The following PPEF2 variants were observed in gnomAD, a reference collection of about 807,000 sequenced individuals.
The protein encoded by PPEF2 is serine/threonine-protein phosphatase with EF-hands 2.
In PPEF2, 84 loss-of-function variants were observed where a neutral mutation model predicts 84.7. The ratio of observed to expected loss-of-function variants is 0.99; its 90% CI spans 0.83 to 1.19. The LOEUF is 1.19. Among genes scored for constraint, PPEF2 ranks in the 50% most tolerant of loss-of-function variants. PPEF2 has a pLI of 0.00. For missense variants in PPEF2, 924 were observed against 937.5 expected (o/e 0.99, Z 0.19); for synonymous variants, 346 against 345.2 (o/e 1.00, Z -0.03).
intron 12 of PPEF2, among the ~76,000 whole-genome samples, chr4:75,872,460 A>G (rs1262042471): frequency 1.3e-5 from 2 of 152,218 alleles, no homozygotes; most frequent in Non-Finnish European, 2.9e-5. Context: ...TATTTGCTTC[A>G]ACTTAGAGGC....
Position 75,866,193 on chromosome 4 carries a change from C to T in PPEF2, c.1916G>A (p.Arg639His), listed in dbSNP as rs138384094. 471 of 1,610,432 alleles carry T rather than the reference C, an allele frequency of 2.9e-4. 4 individuals carry two copies. The African/African-American group carries it at 5.4e-3, about 18-fold the overall frequency. Residue 639 changes from arginine (R) to histidine (H), a missense_variant, in exon 15 of 17, where the codon CGC becomes CAC. By Grantham distance (29) the Arg-to-His change is conservative (BLOSUM62 0). Transcript: ENST00000286719. The stretch of plus-strand genomic sequence containing the variant: ...CCACCATTACCACACCGTTACCTCG[C>T]GACTCAGTTGTTCCTTGGCCAAGTT... ...LKNLAKEQLS[R>H]ENIQSSLLET...
rs80151911 is a variant in PPEF2 at position 75,873,742 on chromosome 4, C to T, written c.1321-430G>A. ...TCTTGCATATTCACAAGACCCCAGA[C>T]GTGGTCCTGGGAAAATGCAATCGAC... On this transcript the variant is annotated intron_variant, in intron 11 of 16. Coordinates refer to ENST00000286719, the MANE Select transcript of PPEF2 (RefSeq NM_006239.3). 4.6e-3 allele frequency among the ~76,000 whole-genome samples: 701 copies of T among 151,990 alleles called. 5 individuals carry two copies. Among genetic ancestry groups the T allele is most frequent in the African/African-American group, 0.012 (510 of 41,446 alleles).
At position 75,876,719 on chromosome 4, in the gene PPEF2, G is replaced by C; in HGVS notation, c.934-46C>G. 2.7e-6 allele frequency: 4 copies of C among 1,500,912 alleles called. No homozygotes were observed. In the East Asian group the frequency reaches 9.3e-5, roughly 35 times the overall value. The allele number at this position is 1,500,912 out of a possible 1,614,324, so 93.0% of individuals were successfully genotyped here. The stretch of plus-strand genomic sequence containing the variant: ...ATACAGATGCTGGAATGAAACTGTA[G>C]GCCCAGACAGGTGTGGTGGCCCACT... On this transcript the variant is annotated intron_variant, in intron 10 of 16. Coordinates refer to ENST00000286719, the MANE Select transcript of PPEF2 (RefSeq NM_006239.3).
chr4:75,865,217 A>G (rs1724099016), intron 15 of PPEF2, among the ~76,000 whole-genome samples: 1 of 152,046 alleles, frequency 6.6e-6, no homozygotes, highest in Middle Eastern at 3.2e-3. Flanking sequence ...GATTACAAGC[A>G]TGAGCCACCG....
At chr4:75,891,327 C>A (rs1265412139) in intron 4 of PPEF2, among the ~76,000 whole-genome samples, 1 of 152,112 alleles carries the variant, frequency 6.6e-6, no homozygotes, top group Non-Finnish European at 1.5e-5. Context: ...AATTCTGAGG[C>A]TTGCGTTTTG....
At chr4:75,874,483 G>A (rs1221916141) in intron 11 of PPEF2, among the ~76,000 whole-genome samples, 1 of 151,894 alleles carries the variant, frequency 6.6e-6, no homozygotes, top group Non-Finnish European at 1.5e-5. Context: ...TTTTAGTAGA[G>A]ACAGGATTTC....
At position 75,880,510 on chromosome 4, in the gene PPEF2, G is replaced by A. The variant is rs191751210; in HGVS notation, c.933+2416C>T. On this transcript the variant is annotated intron_variant, in intron 10 of 16. Coordinates refer to ENST00000286719, the MANE Select transcript of PPEF2 (RefSeq NM_006239.3). ...CTAAGCCACAGAAAATAAACTTTTC[G>A]TTAGCATTCTTTCCCAGAGTTCCTT... is the stretch of plus-strand genomic sequence containing the variant. Among the ~76,000 whole-genome samples, 81 of 152,274 alleles carry A rather than the reference G, an allele frequency of 5.3e-4. 3 individuals carry two copies. Among genetic ancestry groups the A allele is most frequent in the Admixed American group, 3.3e-3 (51 of 15,300 alleles).
Position 75,867,750 on chromosome 4 carries a change from T to C in PPEF2, c.1650-331A>G, listed in dbSNP as rs530643048. Reference sequence around the variant, plus strand: ...TACCTGTCTCCACTTCACAGGATTATTGTGAAGATTACAATGAGTAATTTC... The same window carrying C: ...TACCTGTCTCCACTTCACAGGATTACTGTGAAGATTACAATGAGTAATTTC... On this transcript the variant is annotated intron_variant, in intron 13 of 16. Coordinates refer to ENST00000286719, the MANE Select transcript of PPEF2 (RefSeq NM_006239.3). Among the ~76,000 whole-genome samples the C allele has an allele frequency of 3.9e-5, 6 of 152,350 alleles. No homozygotes were observed. In the South Asian group the frequency reaches 1.2e-3, roughly 32 times the overall value.
intron 13 of PPEF2, among the ~76,000 whole-genome samples, chr4:75,869,895 G>A (rs891035205): frequency 1.3e-5 from 2 of 151,926 alleles, no homozygotes; most frequent in Non-Finnish European, 1.5e-5. Context: ...TGTTATCTTC[G>A]GTTTATGGAC....
At chr4:75,871,306 C>A (rs1724269193) in intron 13 of PPEF2, among the ~76,000 whole-genome samples, 1 of 152,104 alleles carries the variant, frequency 6.6e-6, no homozygotes, top group African/African-American at 2.4e-5. Flanking sequence ...ATTTCACCTG[C>A]AAAATCTCCA....
intron 11 of PPEF2, among the ~76,000 whole-genome samples, chr4:75,875,820 G>T (rs1293287362): frequency 6.6e-6 from 1 of 152,122 alleles, no homozygotes; most frequent in South Asian, 2.1e-4. Context: ...GTTTGGGGTG[G>T]CAGGGTGCCT....
intron 15 of PPEF2, among the ~76,000 whole-genome samples, chr4:75,865,301 T>A (rs866099550): frequency 4.6e-5 from 7 of 152,266 alleles, no homozygotes; most frequent in Middle Eastern, 6.8e-3. Flanking sequence ...TTGCATACAT[T>A]GAACCATCAG....
intron 4 of PPEF2, among the ~76,000 whole-genome samples, chr4:75,890,987 A>G (rs1206738195): frequency 6.6e-6 from 1 of 152,130 alleles, no homozygotes; most frequent in Non-Finnish European, 1.5e-5. Flanking sequence ...GTTCAAGACC[A>G]GCCTGGTTAA....
In PPEF2 at chr4:75,860,849, C is replaced by G; in HGVS notation, c.2080G>C (p.Asp694His). The change falls in exon 17 of 17, where the codon GAT becomes CAT. Residue 694 changes from aspartate (D) to histidine (H), a missense_variant. Physicochemically the swap from Asp to His is moderately conservative, Grantham distance 81 (BLOSUM62 -1). Coordinates refer to ENST00000286719, the MANE Select transcript of PPEF2 (RefSeq NM_006239.3). Reference protein sequence around the residue: ...FSSHMNIDITDDCICDLARSI... With the variant: ...FSSHMNIDITHDCICDLARSI... The stretch of plus-strand genomic sequence containing the variant: ...CGAGCAAGGTCACAGATGCAGTCAT[C>G]TGTAATGTCGATATTCATGTGAGAG... 1.2e-6 allele frequency: 2 copies of G among 1,614,244 alleles called. No homozygotes were observed. Among genetic ancestry groups the G allele is most frequent in the Non-Finnish European group, 1.7e-6 (2 of 1,180,042 alleles).
chr4:75,861,018 A>G (rs1413284740), intron 16 of PPEF2, 98 bp from the exon 17 acceptor site: 4 of 1,331,964 alleles, frequency 3.0e-6, no homozygotes, highest in Non-Finnish European at 4.2e-6. Flanking sequence ...CTACTGCTCA[A>G]CAGAGAGACA....
intron 1 of PPEF2, among the ~76,000 whole-genome samples, chr4:75,898,537 C>A (rs1560490405): frequency 6.6e-6 from 1 of 152,224 alleles, no homozygotes; most frequent in Non-Finnish European, 1.5e-5. Flanking sequence ...ATATCCTGTT[C>A]ACATTTCCAT....
chr4:75,885,662 A>C (rs1007877124), intron 7 of PPEF2, among the ~76,000 whole-genome samples: 5 of 152,190 alleles, frequency 3.3e-5, no homozygotes, highest in Non-Finnish European at 7.3e-5. Flanking sequence ...TCAGGGGTTC[A>C]AGACCAGCCT....
chr4:75,892,006 G>A (rs951240205), intron 2 of PPEF2, 28 bp from the exon 3 acceptor site: 4 of 1,606,648 alleles, frequency 2.5e-6, no homozygotes, highest in African/African-American at 1.3e-5. Context: ...AAGCAAGCCT[G>A]TGAGCTCGGA....
chr4:75,871,961 C>T, intron 13 of PPEF2, 64 bp downstream of exon 13: 1 of 1,463,916 alleles, frequency 6.8e-7, no homozygotes, highest in South Asian at 1.3e-5. Flanking sequence ...TTTGACACTT[C>T]ATTCAAAGAT....
Sources: gnomAD v4.1 joint callset for allele counts (sites outside exome capture counted in the v4.1 genomes callset) on GRCh38, gnomAD v4.1.1 for gene constraint, MANE v1.5 for transcripts, NCBI Gene and HGNC (gene_info 2026-07-23, HGNC 2026-07-21) for gene names.